Variants in SCHIP1 observed in about 807,000 individuals in gnomAD.
SCHIP1 encodes schwannomin-interacting protein 1.
SCHIP1 carries 8 observed loss-of-function variants against 29.7 expected under a neutral mutation model. The observed-to-expected ratio is 0.27, with a 90% CI of 0.16 to 0.49. The LOEUF is 0.49. Among genes scored for constraint, SCHIP1 ranks in the 20% least tolerant of loss-of-function variants. SCHIP1 has a pLI of 0.99. For missense variants in SCHIP1, 193 were observed against 294.6 expected (o/e 0.66, Z 2.52); for synonymous variants, 76 against 94.9 (o/e 0.80, Z 1.16).
At chr3:159,340,336 G>T in the SCHIP1 span, among the ~76,000 whole-genome samples, 4 of 151,752 alleles carry the variant, frequency 2.6e-5, no homozygotes, top group Admixed American at 6.6e-5. Context: ...ATTAAATGAT[G>T]CAATTCCAAT....
chr3:159,643,499 C>T, the SCHIP1 span, among the ~76,000 whole-genome samples: 379 of 152,186 alleles, frequency 2.5e-3, 3 homozygotes, highest in African/African-American at 8.5e-3. Flanking sequence ...AGAACATTCT[C>T]TCCCTGTAGC....
the SCHIP1 span, among the ~76,000 whole-genome samples, chr3:159,727,812 G>C: frequency 6.6e-6 from 1 of 152,058 alleles, no homozygotes; most frequent in African/African-American, 2.4e-5. Flanking sequence ...AAATTAATAA[G>C]CCCCTGTTCA....
chr3:159,685,455 C>A, the SCHIP1 span, among the ~76,000 whole-genome samples: 1 of 152,102 alleles, frequency 6.6e-6, no homozygotes, highest in Non-Finnish European at 1.5e-5. Context: ...TTAGAATCAA[C>A]GACCCAAAAT....
chr3:159,659,986 C>T, the SCHIP1 span, among the ~76,000 whole-genome samples: 1 of 152,140 alleles, frequency 6.6e-6, no homozygotes, highest in Non-Finnish European at 1.5e-5. Context: ...AGGACACCAT[C>T]GAGTCATTCT....
chr3:159,491,724 G>T, the SCHIP1 span, among the ~76,000 whole-genome samples: 8 of 152,228 alleles, frequency 5.3e-5, no homozygotes, highest in Non-Finnish European at 8.8e-5. Flanking sequence ...AGACTTAAAT[G>T]TCCCTGTCTG....
the SCHIP1 span, among the ~76,000 whole-genome samples, chr3:159,324,573 T>A: frequency 6.6e-6 from 1 of 152,132 alleles, no homozygotes; most frequent in Admixed American, 6.5e-5. Flanking sequence ...GCCAGGGAAG[T>A]TATTGATAAC....
the SCHIP1 span, among the ~76,000 whole-genome samples, chr3:159,496,403 T>C: frequency 4.1e-4 from 62 of 151,932 alleles, no homozygotes; most frequent in Non-Finnish European, 7.7e-4. Flanking sequence ...CAAACAAATT[T>C]ACAAGAAAAA....
At chr3:159,540,663 G>A in the SCHIP1 span, among the ~76,000 whole-genome samples, 1 of 152,086 alleles carries the variant, frequency 6.6e-6, no homozygotes, top group Non-Finnish European at 1.5e-5. Context: ...GACCCATAGA[G>A]GGTTAAAAGA....
the SCHIP1 span, among the ~76,000 whole-genome samples, chr3:159,599,497 C>T: frequency 6.6e-6 from 1 of 152,126 alleles, no homozygotes; most frequent in Non-Finnish European, 1.5e-5. Context: ...TGAGAACATG[C>T]AATGTTTGGT....
the SCHIP1 span, among the ~76,000 whole-genome samples, chr3:159,716,506 C>A: frequency 7.9e-5 from 12 of 152,112 alleles, no homozygotes; most frequent in African/African-American, 1.9e-4. Flanking sequence ...CAGGAGACCC[C>A]TCTCATGTGC....
At chr3:159,372,967 TTAGATCATTACTGTCAA>T in the SCHIP1 span, among the ~76,000 whole-genome samples, 1 of 152,002 alleles carries the variant, frequency 6.6e-6, no homozygotes, top group Non-Finnish European at 1.5e-5. Context: ...GACTCCTGCT[TTAGATCATTACTGTCAA>T]TAGAGCACAA....
At chr3:159,312,577 G>A in the SCHIP1 span, among the ~76,000 whole-genome samples, 3 of 152,072 alleles carry the variant, frequency 2.0e-5, no homozygotes, top group African/African-American at 7.2e-5. Context: ...TGTCTACTCA[G>A]GATGAAGTGG....
At chr3:159,764,720 A>G in the SCHIP1 span, 1 of 1,576,138 alleles carries the variant, frequency 6.3e-7, no homozygotes, top group South Asian at 1.2e-5. This position sits in a 1 kb window ranked among gnomAD's most constrained non-coding sequence, Gnocchi z 6.1. Flanking sequence ...GGGTACCGGG[A>G]TGACCGCTCT....
chr3:159,651,718 AC>A, the SCHIP1 span, among the ~76,000 whole-genome samples: 1 of 152,190 alleles, frequency 6.6e-6, no homozygotes, highest in Non-Finnish European at 1.5e-5. Context: ...TAGTAAGCAA[AC>A]TTTTTTTACT....
chr3:159,396,670 G>C, the SCHIP1 span, among the ~76,000 whole-genome samples: 7 of 152,202 alleles, frequency 4.6e-5, no homozygotes, highest in African/African-American at 1.7e-4. Context: ...CTGGCTTGTA[G>C]AGTTTCTGCT....
the SCHIP1 span, among the ~76,000 whole-genome samples, chr3:159,686,831 A>G: frequency 1.3e-5 from 2 of 151,916 alleles, no homozygotes; most frequent in South Asian, 2.1e-4. Flanking sequence ...GGTAAATGAT[A>G]ACTTAGTAGG....
At chr3:159,357,925 G>C in the SCHIP1 span, among the ~76,000 whole-genome samples, 1 of 152,180 alleles carries the variant, frequency 6.6e-6, no homozygotes, top group Non-Finnish European at 1.5e-5. Flanking sequence ...AGAAAGTCCT[G>C]GGAGCTCAGG....
the SCHIP1 span, among the ~76,000 whole-genome samples, chr3:159,422,547 A>G: frequency 0.039 from 5,978 of 152,242 alleles, 412 homozygotes; most frequent in African/African-American, 0.14. Context: ...CACCTATGCA[A>G]CAACACCCAG....
chr3:159,889,053 G>A (rs1191106681), intron 5 of SCHIP1, 110 bp downstream of exon 6: 2 of 1,366,782 alleles, frequency 1.5e-6, no homozygotes, highest in Non-Finnish European at 1.9e-6. Flanking sequence ...GTTCCTGTGT[G>A]ATTGCAAGGA....
Sources: allele counts gnomAD v4.1 joint callset (sites outside exome capture counted in the v4.1 genomes callset), GRCh38; gene constraint gnomAD v4.1.1; non-coding constraint Gnocchi (gnomAD v3.1); transcripts MANE v1.5; gene names NCBI Gene and HGNC (gene_info 2026-07-23, HGNC 2026-07-21).